ATOSB: variants seen among roughly 807,000 people sequenced by gnomAD.
ATOSB encodes the protein atos homolog B, also known as atos homolog protein B.
the ATOSB span, chr9:35,105,624 T>C: frequency 1.9e-6 from 3 of 1,559,350 alleles, no homozygotes; most frequent in African/African-American, 1.4e-5. This position sits in a 1 kb window ranked among gnomAD's most constrained non-coding sequence, Gnocchi z 5.5. Flanking sequence ...CAAGGAGAGA[T>C]CCTCTTCAGG....
chr9:35,112,112 G>A, the ATOSB span, among the ~76,000 whole-genome samples: 1 of 152,176 alleles, frequency 6.6e-6, no homozygotes, highest in Non-Finnish European at 1.5e-5. Context: ...CTCCATGCCA[G>A]AGAAGAAAAA....
At chr9:35,108,048 G>A in the ATOSB span, 2 of 1,536,634 alleles carry the variant, frequency 1.3e-6, no homozygotes, top group Middle Eastern at 1.8e-4. Context: ...CAGCTCCCGG[G>A]GACCCTCAGT....
At chr9:35,115,471 G>A in the ATOSB span, among the ~76,000 whole-genome samples, 1 of 151,838 alleles carries the variant, frequency 6.6e-6, no homozygotes, top group South Asian at 2.1e-4. Flanking sequence ...GATAGTGCCC[G>A]CAGACCCTCC....
At chr9:35,107,669 C>T in the ATOSB span, 1 of 1,609,180 alleles carries the variant, frequency 6.2e-7, no homozygotes. Context: ...CCACCCCAGC[C>T]ACTGGGCTCT....
the ATOSB span, chr9:35,107,684 C>A: frequency 6.2e-7 from 1 of 1,609,484 alleles, no homozygotes; most frequent in African/African-American, 1.3e-5. Flanking sequence ...GGCTCTTACC[C>A]CCTATTTGTG....
the ATOSB span, among the ~76,000 whole-genome samples, chr9:35,114,640 TCCCTCTTCCTC>T: frequency 6.6e-6 from 1 of 152,110 alleles, no homozygotes; most frequent in Non-Finnish European, 1.5e-5. Context: ...GGGGAGCCAC[TCCCTCTTCCTC>T]CCCTAGCTGT....
At chr9:35,111,613 C>T in the ATOSB span, 1 of 152,162 alleles carries the variant, frequency 6.6e-6, no homozygotes, top group Admixed American at 6.5e-5. Flanking sequence ...CGCCCAGTGC[C>T]CCACCACCCG....
the ATOSB span, among the ~76,000 whole-genome samples, chr9:35,114,169 A>G: frequency 6.6e-6 from 1 of 152,186 alleles, no homozygotes; most frequent in Non-Finnish European, 1.5e-5. Flanking sequence ...GTCTCAGCAC[A>G]GCAAACTGAT....
chr9:35,107,185 C>G, the ATOSB span, among the ~76,000 whole-genome samples: 1 of 151,678 alleles, frequency 6.6e-6, no homozygotes, highest in African/African-American at 2.4e-5. Flanking sequence ...TAGCTGGGTG[C>G]AATGTCATGT....
At chr9:35,107,838 G>A in the ATOSB span, 1 of 1,597,154 alleles carries the variant, frequency 6.3e-7, no homozygotes, top group Non-Finnish European at 8.5e-7. Flanking sequence ...ATTTGATGGG[G>A]GGCAGGGGGG....
the ATOSB span, chr9:35,105,620 G>C: frequency 9.1e-6 from 14 of 1,546,198 alleles, no homozygotes; most frequent in Non-Finnish European, 1.2e-5. This position sits in a 1 kb window ranked among gnomAD's most constrained non-coding sequence, Gnocchi z 5.5. Context: ...GAAGCAAGGA[G>C]AGATCCTCTT....
the ATOSB span, chr9:35,107,319 CAAAAAAAA>C: frequency 7.1e-5 from 83 of 1,161,210 alleles, no homozygotes; most frequent in Middle Eastern, 1.3e-3. Flanking sequence ...GATCCCATCT[CAAAAAAAA>C]AAAAAAAAAA....
At chr9:35,107,143 G>A in the ATOSB span, among the ~76,000 whole-genome samples, 3,274 of 151,796 alleles carry the variant, frequency 0.022, 94 homozygotes, top group South Asian at 0.065. Context: ...GCAACATGGC[G>A]AAACCCCATT....
At chr9:35,114,066 T>G in the ATOSB span, among the ~76,000 whole-genome samples, 1 of 152,200 alleles carries the variant, frequency 6.6e-6, no homozygotes, top group Non-Finnish European at 1.5e-5. Context: ...ACAATTCTAA[T>G]GACTGTTGTT....
At chr9:35,106,808 G>T in the ATOSB span, 1 of 1,559,316 alleles carries the variant, frequency 6.4e-7, no homozygotes. The surrounding 1 kb of genome is among the most constrained non-coding windows in gnomAD (Gnocchi z 4.6). Flanking sequence ...CAGGGACAGG[G>T]TAGAGGAAAA....
the ATOSB span, chr9:35,106,185 C>T: frequency 1.2e-6 from 2 of 1,601,808 alleles, no homozygotes; most frequent in Non-Finnish European, 1.7e-6. This position sits in a 1 kb window ranked among gnomAD's most constrained non-coding sequence, Gnocchi z 4.6. Flanking sequence ...ACCTCTTGCC[C>T]CCTGGCCCCG....
At chr9:35,106,209 A>G in the ATOSB span, 14 of 1,610,756 alleles carry the variant, frequency 8.7e-6, no homozygotes, top group Middle Eastern at 2.0e-4. The surrounding 1 kb of genome is among the most constrained non-coding windows in gnomAD (Gnocchi z 4.6). Flanking sequence ...CCAAATCCTC[A>G]TCCTCTTGAT....
At chr9:35,104,366 G>A in the ATOSB span, 1 of 157,962 alleles carries the variant, frequency 6.3e-6, no homozygotes. Context: ...GCTGAGGTAG[G>A]TGGGTCAGAG....
chr9:35,107,705 C>A, the ATOSB span: 1 of 1,606,400 alleles, frequency 6.2e-7, no homozygotes, highest in Non-Finnish European at 8.5e-7. Flanking sequence ...CAAGACTGTG[C>A]AAATCAGTGT....
Sources: gnomAD v4.1 joint callset for allele counts (sites outside exome capture counted in the v4.1 genomes callset) on GRCh38, gnomAD v4.1.1 for gene constraint, Gnocchi (gnomAD v3.1) non-coding constraint, MANE v1.5 for transcripts, NCBI Gene and HGNC (gene_info 2026-07-23, HGNC 2026-07-21) for gene names.